Variants in LRP2BP observed in about 807,000 individuals in gnomAD.
LRP2BP encodes the protein LRP2 binding protein, also known as LRP2-binding protein.
LRP2BP carries 38 observed loss-of-function variants against 45.2 expected under a neutral mutation model. That is an observed-to-expected ratio of 0.84 (90% CI 0.65 to 1.10). The LOEUF (loss-of-function observed/expected upper bound fraction) is 1.10. LRP2BP is among the 50% of genes least tolerant of loss of function. The pLI, the probability that LRP2BP is intolerant of heterozygous loss-of-function variation, is 0.00. For synonymous variants in LRP2BP, 153 were observed against 153.9 expected, an observed-to-expected ratio of 0.99 and a Z score of 0.04; for missense variants, 385 against 418.9, an observed-to-expected ratio of 0.92 and a Z score of 0.71.
chr4:185,378,382 C>T, intron 1 of LRP2BP, 175 bp from the exon 2 acceptor site: 1 of 1,393,044 alleles, frequency 7.2e-7, no homozygotes, highest in Non-Finnish European at 9.3e-7. Flanking sequence ...CACCAAGACC[C>T]TCCTCCCTAG....
chr4:185,374,163 G>A lies in LRP2BP; in HGVS notation c.551C>T (p.Ser184Leu), dbSNP rs145603170. 1.7e-5 allele frequency: 28 copies of A among 1,613,998 alleles called. No individual in the cohort carries two copies. Among genetic ancestry groups the A allele is most frequent in the Non-Finnish European group, 2.1e-5 (25 of 1,180,014 alleles). The change falls in exon 6 of 9, where the codon TCA becomes TTA. Residue 184 changes from serine (S) to leucine (L), a missense_variant. Transcript: ENST00000505916. ...KAQSMLGLYY[S>L]TKEPKELEKA... ...TTCTAACTCCTTGGGCTCCTTGGTT[G>A]AGTAATACAGCCCGAGCATACTTTG...
At chr4:185,380,093 G>A (rs970840956) in intron 1 of LRP2BP, among the ~76,000 whole-genome samples, 14 of 152,152 alleles carry the variant, frequency 9.2e-5, no homozygotes, top group African/African-American at 1.4e-4. Context: ...AGTGTGCTGC[G>A]GTTACCGCAG....
rs200020209 is a variant in LRP2BP at position 185,392,602 on chromosome 4, T to TAA, written c.-22+2175_-22+2176dup. On this transcript the variant is annotated intron_variant, in intron 1 of 8. Coordinates refer to ENST00000505916, the MANE Select transcript of LRP2BP (RefSeq NM_001377440.1). The stretch of plus-strand genomic sequence containing the variant: ...AAGTCATCTTAAATCTGTAGATGTT[T>TAA]AAAAAAAAAAACTTAAAAAAAATCT... Among the ~76,000 whole-genome samples, 130 of 147,578 alleles carry TAA rather than the reference T, an allele frequency of 8.8e-4. 1 individual carries two copies. The highest frequency in any genetic ancestry group is 3.2e-3 in the African/African-American group (128 of 40,500).
At chr4:185,371,497 G>C (rs541998288) in intron 7 of LRP2BP, among the ~76,000 whole-genome samples, 2 of 140,980 alleles carry the variant, frequency 1.4e-5, no homozygotes, top group South Asian at 2.2e-4. Flanking sequence ...AGCCGAGATC[G>C]CACCACTGCA....
intron 3 of LRP2BP, 46 bp downstream of exon 3, chr4:185,376,863 A>G: frequency 7.1e-7 from 1 of 1,401,296 alleles, no homozygotes; most frequent in Non-Finnish European, 1.0e-6. Context: ...TGAGGATCTA[A>G]CAACAGAATT....
At chr4:185,376,225 A>G (rs1394180781) in intron 3 of LRP2BP, among the ~76,000 whole-genome samples, 1 of 152,162 alleles carries the variant, frequency 6.6e-6, no homozygotes, top group Non-Finnish European at 1.5e-5. Flanking sequence ...TCCCCTAAGT[A>G]CTAGATAAAA....
intron 8 of LRP2BP, chr4:185,369,838 C>T (rs1051236953): frequency 2.7e-5 from 11 of 414,854 alleles, no homozygotes; most frequent in African/African-American, 2.3e-4. Flanking sequence ...TGTAAAAGAT[C>T]CTCGGGTGAT....
upstream of LRP2BP, chr4:185,396,726 G>C (rs1232669403): frequency 1.6e-6 from 1 of 614,456 alleles, no homozygotes; most frequent in African/African-American, 1.8e-5. Flanking sequence ...GCTGGACAGG[G>C]TCCGGGTCGT....
chr4:185,387,082 C>T (rs551755376), intron 1 of LRP2BP, among the ~76,000 whole-genome samples: 1 of 152,098 alleles, frequency 6.6e-6, no homozygotes, highest in East Asian at 1.9e-4. Context: ...CCCGTGTCTA[C>T]TAAAAATACA....
intron 1 of LRP2BP, among the ~76,000 whole-genome samples, chr4:185,383,091 C>CT (rs1472614375): frequency 6.6e-6 from 1 of 152,192 alleles, no homozygotes; most frequent in African/African-American, 2.4e-5. Flanking sequence ...ATTTGTTATA[C>CT]TTTCACCTCA....
rs898920691 is a variant in LRP2BP at position 185,395,657 on chromosome 4, T to C, written c.-900A>G. On this transcript the variant is annotated 5_prime_UTR_variant, in exon 1 of 9. Coordinates refer to ENST00000505916, the MANE Select transcript of LRP2BP (RefSeq NM_001377440.1). ...AATAAAAATGCTTAAAACTACCCCT[T>C]GGGTAACTAAGTATAACAACATAAA... 11 of 984,054 alleles carry C rather than the reference T, an allele frequency of 1.1e-5. No homozygotes were observed. The highest frequency in any genetic ancestry group is 1.2e-5 in the Non-Finnish European group (10 of 828,672). The allele number at this position is 984,054 out of a possible 1,614,324, so 61.0% of individuals were successfully genotyped here.
chr4:185,375,488 ATATATATATAT>A (rs1486678070), intron 4 of LRP2BP, 114 bp downstream of exon 4: 3 of 8,598 alleles, frequency 3.5e-4, no homozygotes, highest in East Asian at 2.7e-3. Flanking sequence ...AAAAAAAAAA[ATATATATATAT>A]ATATATATAT....
chr4:185,397,153 G>A (rs1164192811), upstream of LRP2BP: 15 of 1,613,274 alleles, frequency 9.3e-6, no homozygotes, highest in Non-Finnish European at 1.1e-5. Context: ...CCTGCAGGTG[G>A]ATGGTCTGAA....
chr4:185,377,099 A>C, intron 2 of LRP2BP, 81 bp from the exon 3 acceptor site: 1 of 990,280 alleles, frequency 1.0e-6, no homozygotes, highest in East Asian at 2.5e-5. Context: ...TATAAAATCC[A>C]TCTAACACTG....
At chr4:185,383,439 C>T (rs1228651078) in intron 1 of LRP2BP, among the ~76,000 whole-genome samples, 1 of 152,200 alleles carries the variant, frequency 6.6e-6, no homozygotes, top group Admixed American at 6.5e-5. Context: ...ATGACTGTGC[C>T]ATTGCACTCC....
chr4:185,365,677 C>G lies in LRP2BP; in HGVS notation c.*1503G>C, dbSNP rs1335437321. 1 of 105,906 alleles carries G rather than the reference C, an allele frequency of 9.4e-6. No homozygotes were observed. 6.6% of individuals were successfully genotyped at this position (105,906 alleles called of 1,614,324 possible). A position where few individuals can be genotyped will look rare whatever the true frequency, so the allele number is the denominator to read the frequency against. ...CTAAGATTAGGTCAGGAGACTCCGTCTCAAAAAAAAAAAAATAATAATAAT... is the reference window on the plus strand; with the variant it reads ...CTAAGATTAGGTCAGGAGACTCCGTGTCAAAAAAAAAAAAATAATAATAAT... On this transcript the variant is annotated 3_prime_UTR_variant, in exon 9 of 9. Coordinates refer to ENST00000505916, the MANE Select transcript of LRP2BP (RefSeq NM_001377440.1).
intron 1 of LRP2BP, among the ~76,000 whole-genome samples, chr4:185,380,916 G>C (rs1237395668): frequency 6.6e-6 from 1 of 151,642 alleles, no homozygotes; most frequent in Non-Finnish European, 1.5e-5. Context: ...GCCACATCTA[G>C]TCTGCCATTA....
chr4:185,382,879 A>G (rs560394311), intron 1 of LRP2BP, among the ~76,000 whole-genome samples: 2 of 152,268 alleles, frequency 1.3e-5, no homozygotes, highest in African/African-American at 2.4e-5. Context: ...TGTCACATCT[A>G]AAAGAAACCA....
At chr4:185,373,617 G>C (rs1333590750) in intron 6 of LRP2BP, among the ~76,000 whole-genome samples, 2 of 152,158 alleles carry the variant, frequency 1.3e-5, no homozygotes, top group Non-Finnish European at 1.5e-5. Flanking sequence ...TCCAAAGATG[G>C]CCTTAGTTGT....
Sources: gnomAD v4.1 joint callset for allele counts (sites outside exome capture counted in the v4.1 genomes callset) on GRCh38, gnomAD v4.1.1 for gene constraint, MANE v1.5 for transcripts, NCBI Gene and HGNC (gene_info 2026-07-23, HGNC 2026-07-21) for gene names.